The following SIM1 variants were observed in gnomAD, a reference collection of about 807,000 sequenced individuals.
SIM1 encodes single-minded homolog 1.
A neutral mutation model predicts 78.2 loss-of-function variants in SIM1; 18 were observed. The observed-to-expected ratio is 0.23, with a 90% CI of 0.16 to 0.34. The LOEUF is 0.34. Ranked by LOEUF, SIM1 falls within the 10% of genes least tolerant of loss-of-function variation. The pLI is 1.00. For synonymous variants in SIM1, 417 were observed against 385.2 expected, an observed-to-expected ratio of 1.08 and a Z score of -0.97; for missense variants, 939 against 975.1, an observed-to-expected ratio of 0.96 and a Z score of 0.49.
chr6:100,430,464 T>C (rs1218668323), intron 9 of SIM1, among the ~76,000 whole-genome samples: 1 of 152,190 alleles, frequency 6.6e-6, no homozygotes, highest in Non-Finnish European at 1.5e-5. Context: ...TGTAGCCCAC[T>C]TCTAGAAAAG....
intron 10 of SIM1, among the ~76,000 whole-genome samples, chr6:100,395,025 G>T (rs1046186702): frequency 2.6e-5 from 4 of 152,098 alleles, no homozygotes; most frequent in African/African-American, 7.2e-5. Context: ...TCTACTCCCA[G>T]ACTATTTGGT....
intron 9 of SIM1, 67 bp downstream of exon 9, chr6:100,447,201 C>T: frequency 1.3e-6 from 2 of 1,555,468 alleles, no homozygotes; most frequent in Non-Finnish European, 1.8e-6. Flanking sequence ...GGCCGTGCCG[C>T]CACCCGCACT....
intron 9 of SIM1, among the ~76,000 whole-genome samples, chr6:100,438,373 C>G (rs1772113981): frequency 6.6e-6 from 1 of 152,170 alleles, no homozygotes; most frequent in Admixed American, 6.5e-5. Flanking sequence ...CTCAACATTA[C>G]TAATCATCAG....
intron 11 of SIM1, among the ~76,000 whole-genome samples, chr6:100,391,629 G>T (rs1313101422): frequency 6.6e-6 from 1 of 152,066 alleles, no homozygotes; most frequent in African/African-American, 2.4e-5. Context: ...TTAAAATAAA[G>T]CTCTAATATA....
chr6:100,451,009 C>T (rs1380568925), intron 3 of SIM1, among the ~76,000 whole-genome samples: 4 of 152,140 alleles, frequency 2.6e-5, no homozygotes, highest in Admixed American at 2.6e-4. Flanking sequence ...CTGACAGGCT[C>T]TCCATGAAGG....
At chr6:100,432,562 T>A (rs944339317) in intron 9 of SIM1, among the ~76,000 whole-genome samples, 2 of 152,110 alleles carry the variant, frequency 1.3e-5, no homozygotes, top group African/African-American at 2.4e-5. Flanking sequence ...CCTCACTGCA[T>A]ATCTTCCACT....
chr6:100,420,685 A>T, intron 10 of SIM1, 105 bp downstream of exon 10: 1 of 1,116,852 alleles, frequency 9.0e-7, no homozygotes, highest in Non-Finnish European at 1.3e-6. Context: ...AGTTTTAGTT[A>T]TTAAAACTAG....
intron 3 of SIM1, among the ~76,000 whole-genome samples, chr6:100,453,048 C>T (rs750224553): frequency 4.6e-5 from 7 of 152,234 alleles, no homozygotes; most frequent in South Asian, 2.1e-4. Flanking sequence ...TTGGGACAAG[C>T]GCAAAATCTA....
intron 9 of SIM1, among the ~76,000 whole-genome samples, chr6:100,433,547 A>G (rs762168433): frequency 7.9e-5 from 12 of 151,952 alleles, no homozygotes; most frequent in Non-Finnish European, 1.5e-4. Context: ...TTATTTCTTT[A>G]TAAGTACTTT....
rs995936659 is a variant in SIM1, at chr6:100,463,677, G to C, written c.-209C>G. ...GAAAATATGTTCTTTGAAAATTCGG[G>C]ATGCAGTATAGGAAAGTTGCTGATC... On this transcript the variant is annotated 5_prime_UTR_variant, in exon 2 of 12. It adds an upstream start codon to the 5' untranslated region. Coordinates refer to ENST00000369208, the MANE Select transcript of SIM1 (RefSeq NM_005068.3). 4.0e-6 allele frequency: 2 copies of C among 499,178 alleles called. No homozygotes were observed. The highest frequency in any genetic ancestry group is 7.1e-6 in the Non-Finnish European group (2 of 282,600). The allele number at this position is 499,178 out of a possible 1,614,324, so 30.9% of individuals were successfully genotyped here.
intron 10 of SIM1, among the ~76,000 whole-genome samples, chr6:100,396,958 T>C (rs1441697685): frequency 1.3e-5 from 2 of 152,228 alleles, no homozygotes; most frequent in African/African-American, 2.4e-5. Flanking sequence ...TCTAATACTC[T>C]GTATAATATA....
intron 10 of SIM1, among the ~76,000 whole-genome samples, chr6:100,399,943 A>G (rs914654321): frequency 6.6e-6 from 1 of 152,030 alleles, no homozygotes; most frequent in African/African-American, 2.4e-5. Context: ...ACAATAAGAA[A>G]CCAAGAGTTT....
intron 9 of SIM1, among the ~76,000 whole-genome samples, chr6:100,445,449 C>A (rs1772329614): frequency 6.6e-6 from 1 of 151,968 alleles, no homozygotes; most frequent in Admixed American, 6.6e-5. Flanking sequence ...TGTATTTATC[C>A]TCATTACATC....
At chr6:100,430,377 A>G (rs1033395652) in intron 9 of SIM1, among the ~76,000 whole-genome samples, 7 of 152,188 alleles carry the variant, frequency 4.6e-5, no homozygotes, top group African/African-American at 1.7e-4. Flanking sequence ...CTGAATAAAC[A>G]CAAAATATGC....
intron 9 of SIM1, among the ~76,000 whole-genome samples, chr6:100,430,335 T>A (rs893603292): frequency 3.9e-5 from 6 of 152,212 alleles, no homozygotes; most frequent in African/African-American, 1.4e-4. Context: ...TCTTGGAGGC[T>A]GGAGGAGGGT....
intron 2 of SIM1, among the ~76,000 whole-genome samples, chr6:100,458,700 C>T (rs73760894): frequency 6.6e-6 from 1 of 152,276 alleles, no homozygotes; most frequent in East Asian, 1.9e-4. Context: ...GTGCTTCGGG[C>T]GGTGCGGGAG....
Position 100,447,334 on chromosome 6 carries a change from G to A in SIM1, c.932C>T (p.Ala311Val), listed in dbSNP as rs1165826114. The change falls in exon 9 of 12, where the codon GCG becomes GTG. Residue 311 changes from alanine (A) to valine (V), a missense_variant. Ala to Val is a moderately conservative substitution (Grantham distance 64, BLOSUM62 0). Transcript: ENST00000369208. ...HGGWVWVQSY[A>V]TIVHNSRSSR... ...GGAGCGACTGTTGTGCACGATGGTC[G>A]CGTAGCTCTGCACCCATACCCAGCC... 3 of 1,614,080 alleles carry A rather than the reference G, an allele frequency of 1.9e-6. No homozygotes were observed. Among genetic ancestry groups the A allele is most frequent in the South Asian group, 1.1e-5 (1 of 91,086 alleles).
In SIM1 at chr6:100,447,408, C is replaced by T. The variant is rs1322369759; in HGVS notation, c.858G>A (p.Val286=). 8.7e-6 allele frequency: 14 copies of T among 1,614,124 alleles called. No homozygotes were observed. Among genetic ancestry groups the T allele is most frequent in the Non-Finnish European group, 1.1e-5 (13 of 1,180,054 alleles). ...HLRCAHHLLL[V]KGQVTTKYYR... Reference sequence around the variant, plus strand: ...AGTACTTGGTGGTCACCTGTCCCTTCACCAGCACTGACGGAGAGACAGGAG... The same window carrying T: ...AGTACTTGGTGGTCACCTGTCCCTTTACCAGCACTGACGGAGAGACAGGAG... The change falls in exon 9 of 12, where the codon GTG becomes GTA. Residue 286 remains valine, a synonymous_variant. Transcript: ENST00000369208.
At chr6:100,463,166 T>G (rs1349629095) in intron 2 of SIM1, 128 bp downstream of exon 2, 7 of 850,388 alleles carry the variant, frequency 8.2e-6, no homozygotes, top group Non-Finnish European at 7.1e-6. Context: ...GCAGCCGAGC[T>G]AAACTTCCCT....
Sources: gnomAD v4.1 joint callset for allele counts (sites outside exome capture counted in the v4.1 genomes callset) on GRCh38, gnomAD v4.1.1 for gene constraint, MANE v1.5 for transcripts, NCBI Gene and HGNC (gene_info 2026-07-23, HGNC 2026-07-21) for gene names.